Variants in VPS13B observed in about 807,000 individuals in gnomAD.
The protein encoded by VPS13B is vacuolar protein sorting 13 homolog B.
In VPS13B, 285 loss-of-function variants were observed where a neutral mutation model predicts 426.4. The observed-to-expected ratio is 0.67, with a 90% CI of 0.61 to 0.74. The LOEUF is 0.74. Among genes scored for constraint, VPS13B ranks in the 30% least tolerant of loss-of-function variants. VPS13B has a pLI of 0.00. For synonymous variants in VPS13B, 1,676 were observed against 1,676.4 expected, an observed-to-expected ratio of 1.00 and a Z score of 0.01; for missense variants, 4,537 against 4,782.6, an observed-to-expected ratio of 0.95 and a Z score of 1.51.
chr8:99,833,318 C>G (rs1288368527), intron 52 of VPS13B, among the ~76,000 whole-genome samples: 3 of 152,158 alleles, frequency 2.0e-5, no homozygotes, highest in Non-Finnish European at 4.4e-5. Context: ...CCTTCTGCAG[C>G]TGTCAAGAAT....
chr8:99,855,093 A>G (rs7841688), intron 56 of VPS13B, among the ~76,000 whole-genome samples: 101,833 of 152,100 alleles, frequency 0.67, 35,914 homozygotes, highest in African/African-American at 0.91. Context: ...CAACTGGTGG[A>G]TAGCAGGCGC....
At chr8:99,640,420 C>G (rs1213830987) in intron 33 of VPS13B, among the ~76,000 whole-genome samples, 1 of 151,950 alleles carries the variant, frequency 6.6e-6, no homozygotes, top group Non-Finnish European at 1.5e-5. Flanking sequence ...GGGCACACCA[C>G]CAGGCCTGGC....
intron 3 of VPS13B, among the ~76,000 whole-genome samples, chr8:99,045,394 G>T (rs920779111): frequency 9.6e-5 from 5 of 52,144 alleles, no homozygotes; most frequent in African/African-American, 4.6e-4. Flanking sequence ...ACTTTCTGAT[G>T]GGATTGTTTT....
At chr8:99,024,358 C>T (rs531817326) in intron 2 of VPS13B, among the ~76,000 whole-genome samples, 7 of 152,178 alleles carry the variant, frequency 4.6e-5, no homozygotes, top group Admixed American at 2.0e-4. Flanking sequence ...TTATAAAATA[C>T]AATAAAATAT....
intron 19 of VPS13B, among the ~76,000 whole-genome samples, chr8:99,303,258 C>CAAA (rs757187342): frequency 0.016 from 917 of 57,296 alleles, 118 homozygotes; most frequent in African/African-American, 0.061. Flanking sequence ...CAGCCTGTCT[C>CAAA]AAAAAAAAAA....
intron 3 of VPS13B, among the ~76,000 whole-genome samples, chr8:99,079,434 A>G (rs962328147): frequency 2.6e-5 from 4 of 152,062 alleles, no homozygotes; most frequent in African/African-American, 9.7e-5. Flanking sequence ...GTTGTGGTGG[A>G]TGTGGACAGA....
At chr8:99,747,852 T>C (rs1378182768) in intron 39 of VPS13B, among the ~76,000 whole-genome samples, 1 of 151,970 alleles carries the variant, frequency 6.6e-6, no homozygotes, top group Non-Finnish European at 1.5e-5. Context: ...AATACTTTTT[T>C]TTTTCTCTTG....
intron 19 of VPS13B, among the ~76,000 whole-genome samples, chr8:99,359,143 C>A (rs182540917): frequency 1.4e-4 from 22 of 152,062 alleles, no homozygotes; most frequent in Admixed American, 1.3e-3. Context: ...TTCTTGTTTG[C>A]TGTCATAAAA....
intron 19 of VPS13B, among the ~76,000 whole-genome samples, chr8:99,351,611 T>C (rs1203621573): frequency 1.3e-5 from 2 of 152,156 alleles, no homozygotes; most frequent in Non-Finnish European, 2.9e-5. Context: ...GGTCACCACC[T>C]GGGAGACTTA....
intron 3 of VPS13B, among the ~76,000 whole-genome samples, chr8:99,055,390 T>A (rs1296480202): frequency 6.6e-6 from 1 of 152,170 alleles, no homozygotes; most frequent in Non-Finnish European, 1.5e-5. Context: ...CAGTTGTATA[T>A]GAATTTGAAG....
chr8:99,541,398 G>A (rs760520252), intron 30 of VPS13B, among the ~76,000 whole-genome samples: 1 of 151,926 alleles, frequency 6.6e-6, no homozygotes, highest in Non-Finnish European at 1.5e-5. Flanking sequence ...TTGTTACATA[G>A]GTATACATGT....
At chr8:99,307,525 C>T (rs1018527653) in intron 19 of VPS13B, among the ~76,000 whole-genome samples, 4 of 151,950 alleles carry the variant, frequency 2.6e-5, no homozygotes, top group Admixed American at 6.6e-5. Flanking sequence ...TATTGAGATA[C>T]TGAGTCCCTT....
At chr8:99,545,366 G>T (rs943913949) in intron 30 of VPS13B, among the ~76,000 whole-genome samples, 1 of 152,066 alleles carries the variant, frequency 6.6e-6, no homozygotes, top group Non-Finnish European at 1.5e-5. Flanking sequence ...GGAAATTTCT[G>T]TATCTGCACT....
intron 15 of VPS13B, among the ~76,000 whole-genome samples, chr8:99,168,147 A>G (rs193189398): frequency 8.5e-4 from 130 of 152,278 alleles, no homozygotes; most frequent in African/African-American, 2.5e-3. Flanking sequence ...TAATTTGGCA[A>G]TATTTAGAAG....
intron 33 of VPS13B, among the ~76,000 whole-genome samples, chr8:99,589,436 A>G (rs889175673): frequency 4.6e-5 from 7 of 151,388 alleles, no homozygotes; most frequent in African/African-American, 7.3e-5. Context: ...GTTCCCACCT[A>G]TGAGTGAGAA....
At chr8:99,639,660 T>TA (rs1829225168) in intron 33 of VPS13B, among the ~76,000 whole-genome samples, 3 of 147,978 alleles carry the variant, frequency 2.0e-5, no homozygotes, top group Non-Finnish European at 4.5e-5. Flanking sequence ...ATATATATAT[T>TA]ATTATATATA....
At chr8:99,267,388 G>A (rs6985357) in intron 17 of VPS13B, among the ~76,000 whole-genome samples, 125,160 of 151,642 alleles carry the variant, frequency 0.83, 52,169 homozygotes, top group South Asian at 0.89. Context: ...TTCAAGAGTA[G>A]GCAGAACATA....
chr8:99,795,294 C>T (rs1812749825), intron 43 of VPS13B, among the ~76,000 whole-genome samples: 1 of 152,164 alleles, frequency 6.6e-6, no homozygotes, highest in African/African-American at 2.4e-5. Flanking sequence ...TAGCAAGGAT[C>T]CCCTTTCCAC....
At chr8:99,044,548 C>T (rs1364547942) in intron 3 of VPS13B, among the ~76,000 whole-genome samples, 1 of 151,774 alleles carries the variant, frequency 6.6e-6, no homozygotes, top group African/African-American at 2.4e-5. Flanking sequence ...TGTTTGGTTA[C>T]ATGAGTAAAT....
Sources: gnomAD v4.1 joint callset for allele counts (sites outside exome capture counted in the v4.1 genomes callset) on GRCh38, gnomAD v4.1.1 for gene constraint, MANE v1.5 for transcripts, NCBI Gene and HGNC (gene_info 2026-07-23, HGNC 2026-07-21) for gene names.